Variants in DNAAF9 observed in about 807,000 individuals in gnomAD.
DNAAF9 encodes dynein axonemal assembly factor 9.
Under a neutral mutation model 167.0 loss-of-function variants are expected in DNAAF9, and 90 were observed. The ratio of observed to expected loss-of-function variants is 0.54; its 90% CI spans 0.45 to 0.64. The LOEUF (loss-of-function observed/expected upper bound fraction) is 0.64, where lower values mean the gene tolerates loss of function less well. DNAAF9 is among the 30% of genes least tolerant of loss of function. DNAAF9 has a pLI of 0.00. For synonymous variants in DNAAF9, 491 were observed against 508.8 expected, an observed-to-expected ratio of 0.96 and a Z score of 0.47; for missense variants, 1,315 against 1,442.2, an observed-to-expected ratio of 0.91 and a Z score of 1.43.
Position 3,340,535 on chromosome 20 carries a change from G to A in DNAAF9, c.950C>T (p.Thr317Ile), listed in dbSNP as rs778002582. Residue 317 changes from threonine to isoleucine, a missense_variant, in exon 10 of 37, where the codon ACT becomes ATT. Around this residue, in one of 2 missense-constraint regions of DNAAF9, gnomAD observed 981 missense variants for 1,012.5 expected, o/e 0.97. Coordinates refer to ENST00000252032, the MANE Select transcript of DNAAF9 (RefSeq NM_001009984.3). Reference protein sequence around the residue: ...FPSEGHLVRSTGPGGSFAKHM... With the variant: ...FPSEGHLVRSIGPGGSFAKHM... ...CTTGGCAAAGCTCCCGCCGGGACCA[G>A]TGCTTCGTACCAGATGTCCTTCAGA... 1.3e-6 allele frequency: 2 copies of A among 1,556,362 alleles called. No individual in the cohort carries two copies. Among genetic ancestry groups the A allele is most frequent in the Non-Finnish European group, 1.7e-6 (2 of 1,144,682 alleles).
intron 12 of DNAAF9, 78 bp downstream of exon 12, chr20:3,330,568 C>T (rs1568608536): frequency 5.8e-6 from 5 of 860,440 alleles, no homozygotes; most frequent in Non-Finnish European, 7.8e-6. Flanking sequence ...CACTGTTGAT[C>T]TCAAAAGGAA....
chr20:3,331,954 G>A (rs982861715), intron 11 of DNAAF9, among the ~76,000 whole-genome samples: 56 of 152,338 alleles, frequency 3.7e-4, no homozygotes, highest in African/African-American at 1.3e-3. Context: ...GATTACAGGC[G>A]TGAGCCGCCA....
At chr20:3,402,752 T>C (rs934806730) in intron 1 of DNAAF9, among the ~76,000 whole-genome samples, 11 of 152,020 alleles carry the variant, frequency 7.2e-5, no homozygotes, top group Admixed American at 1.3e-4. Context: ...TAATTTTTCT[T>C]TTTTTGAACT....
Position 3,294,633 on chromosome 20 carries a change from G to C in DNAAF9, c.2019-4C>G. ...GAGCTTCTGTGCACTGGAGTGCCTG[G>C]AATAACAAAAGCTCACAGATTAGAA... On this transcript the variant is annotated splice_region_variant and splice_polypyrimidine_tract_variant and intron_variant, in intron 23 of 36. Transcript: ENST00000252032. The C allele has an allele frequency of 6.3e-7, 1 of 1,591,280 alleles. No homozygotes were observed. The highest frequency in any genetic ancestry group is 8.6e-7 in the Non-Finnish European group (1 of 1,159,418).
intron 29 of DNAAF9, 45 bp from the exon 30 acceptor site, chr20:3,270,607 A>AG: frequency 6.3e-7 from 1 of 1,578,984 alleles, no homozygotes; most frequent in Non-Finnish European, 8.7e-7. Flanking sequence ...AGTCCTGGTT[A>AG]GGGGTGAAGG....
intron 1 of DNAAF9, among the ~76,000 whole-genome samples, chr20:3,395,140 T>C (rs2083887825): frequency 6.8e-6 from 1 of 148,120 alleles, no homozygotes; most frequent in African/African-American, 2.6e-5. Context: ...GCTAATTTTT[T>C]TTTTGTATTT....
At position 3,335,379 on chromosome 20, in the gene DNAAF9, C is replaced by A. The variant is rs904286871; in HGVS notation, c.982-3018G>T. Among the ~76,000 whole-genome samples, 3 of 152,194 alleles carry A rather than the reference C, an allele frequency of 2.0e-5. No individual in the cohort carries two copies. The South Asian group carries it at 6.2e-4, about 32-fold the overall frequency. On this transcript the variant is annotated intron_variant, in intron 10 of 36. Transcript: ENST00000252032. Reference sequence around the variant, plus strand: ...TAGATACAGATTTCTAGGTTGACAACTCTTCTCTTTCAGCATTTGAAATAT... The same window carrying A: ...TAGATACAGATTTCTAGGTTGACAAATCTTCTCTTTCAGCATTTGAAATAT...
intron 20 of DNAAF9, among the ~76,000 whole-genome samples, chr20:3,312,784 C>T (rs2069437575): frequency 6.6e-6 from 1 of 152,170 alleles, no homozygotes; most frequent in African/African-American, 2.4e-5. Flanking sequence ...ATCTGAATCC[C>T]AAAGTGGTAA....
At chr20:3,331,627 C>T (rs934515930) in intron 11 of DNAAF9, among the ~76,000 whole-genome samples, 1 of 152,170 alleles carries the variant, frequency 6.6e-6, no homozygotes, top group Non-Finnish European at 1.5e-5. Flanking sequence ...GTCCAGTGGG[C>T]ACCTGGCTGA....
At chr20:3,330,776 T>C (rs1207365024) in intron 11 of DNAAF9, 94 bp from the exon 12 acceptor site, 14 of 716,586 alleles carry the variant, frequency 2.0e-5, no homozygotes, top group Admixed American at 2.9e-5. Context: ...CTGGAAGGCA[T>C]TGTCAAGAAC....
At chr20:3,285,979 CAA>C (rs913877421) in intron 27 of DNAAF9, among the ~76,000 whole-genome samples, 3 of 102,038 alleles carry the variant, frequency 2.9e-5, no homozygotes. Flanking sequence ...GACTCCGTTT[CAA>C]AAAAAAAAAA....
chr20:3,359,666 T>C (rs762434951), intron 6 of DNAAF9, 73 bp from the exon 7 acceptor site: 66 of 1,069,882 alleles, frequency 6.2e-5, no homozygotes, highest in Non-Finnish European at 8.2e-5. Context: ...TTTTCTGATG[T>C]TCAGAAATGA....
At chr20:3,317,096 T>C (rs1473811527) in intron 17 of DNAAF9, among the ~76,000 whole-genome samples, 1 of 151,900 alleles carries the variant, frequency 6.6e-6, no homozygotes, top group East Asian at 1.9e-4. Flanking sequence ...AATTTTGTCA[T>C]GCTAGCTAGG....
intron 26 of DNAAF9, among the ~76,000 whole-genome samples, chr20:3,289,392 C>G (rs2068909484): frequency 6.6e-6 from 1 of 152,138 alleles, no homozygotes; most frequent in African/African-American, 2.4e-5. Flanking sequence ...TACAGGTGAA[C>G]TATGATCGTG....
chr20:3,278,675 C>A (rs1169551813), intron 29 of DNAAF9, among the ~76,000 whole-genome samples: 2 of 152,052 alleles, frequency 1.3e-5, no homozygotes, highest in African/African-American at 2.4e-5. Context: ...GCCGAGACCA[C>A]GCTATTGCAC....
At chr20:3,378,112 A>C (rs2083599665) in intron 3 of DNAAF9, among the ~76,000 whole-genome samples, 1 of 152,194 alleles carries the variant, frequency 6.6e-6, no homozygotes, top group African/African-American at 2.4e-5. Flanking sequence ...TCACATAGTC[A>C]CATCTATGGG....
At chr20:3,397,961 T>C (rs1202310352) in intron 1 of DNAAF9, among the ~76,000 whole-genome samples, 1 of 152,168 alleles carries the variant, frequency 6.6e-6, no homozygotes, top group Non-Finnish European at 1.5e-5. Context: ...GGAAAGCAGT[T>C]TCTGAGGACT....
At chr20:3,348,812 A>G (rs559143037) in intron 7 of DNAAF9, among the ~76,000 whole-genome samples, 189 bp from the exon 8 acceptor site, 2 of 152,310 alleles carry the variant, frequency 1.3e-5, no homozygotes, top group South Asian at 4.1e-4. Context: ...TACCAAATGA[A>G]AAAGCTGGAT....
intron 10 of DNAAF9, among the ~76,000 whole-genome samples, chr20:3,335,293 G>A (rs1180451198): frequency 6.6e-6 from 1 of 151,980 alleles, no homozygotes; most frequent in Admixed American, 6.5e-5. Context: ...ACAAATTCTT[G>A]TAGTTTTCGT....
Sources: allele counts gnomAD v4.1 joint callset (sites outside exome capture counted in the v4.1 genomes callset), GRCh38; gene constraint gnomAD v4.1.1; regional missense constraint gnomAD v4.1.1; transcripts MANE v1.5; gene names NCBI Gene and HGNC (gene_info 2026-07-23, HGNC 2026-07-21).